The following RNMT variants were observed in gnomAD, a reference collection of about 807,000 sequenced individuals.
RNMT encodes the protein RNA guanine-7 methyltransferase, also known as mRNA cap guanine-N(7) methyltransferase.
A neutral mutation model predicts 56.0 loss-of-function variants in RNMT; 27 were observed. The observed-to-expected ratio is 0.48, with a 90% confidence interval of 0.36 to 0.67. The LOEUF (loss-of-function observed/expected upper bound fraction) is 0.67, where lower values mean the gene tolerates loss of function less well. Ranked by LOEUF, RNMT falls within the 30% of genes least tolerant of loss-of-function variation. The probability of loss-of-function intolerance (pLI) is 0.00; values close to 1 mark genes in which losing one functional copy is unlikely to be tolerated. For synonymous variants in RNMT, 184 were observed against 176.2 expected, an observed-to-expected ratio of 1.04 and a Z score of -0.35; for missense variants, 519 against 552.1, an observed-to-expected ratio of 0.94 and a Z score of 0.60.
At chr18:13,730,879 C>A (rs558011891) in intron 2 of RNMT, 124 bp downstream of exon 2, 1 of 152,294 alleles carries the variant, frequency 6.6e-6, no homozygotes, top group Admixed American at 6.5e-5. Flanking sequence ...AGTTTGGGAA[C>A]CAGGGTTATA....
intron 1 of RNMT, among the ~76,000 whole-genome samples, chr18:13,728,989 T>A (rs993917512): frequency 1.3e-5 from 2 of 152,192 alleles, no homozygotes; most frequent in Non-Finnish European, 2.9e-5. Flanking sequence ...GTAATCCCAT[T>A]TGTCTGTTTT....
In RNMT at chr18:13,731,458, A is replaced by C; in HGVS notation, c.-42-18A>C. The C allele has an allele frequency of 7.2e-7, 1 of 1,393,750 alleles. No homozygotes were observed. Among genetic ancestry groups the C allele is most frequent in the East Asian group, 2.3e-5 (1 of 43,526 alleles). The allele number at this position is 1,393,750 out of a possible 1,614,324, so 86.3% of individuals were successfully genotyped here. ...GTCTTAGTGTTTACAAGTAATACCA[A>C]TTTTTTTCCTATTCTAGTGTTGGTT... On this transcript the variant is annotated intron_variant, in intron 2 of 11. Coordinates refer to ENST00000383314, the MANE Select transcript of RNMT (RefSeq NM_003799.3).
rs1215731804 is a variant in RNMT at position 13,762,477 on chromosome 18, C to T, written c.*2498C>T. 1 of 255,484 alleles carries T rather than the reference C, an allele frequency of 3.9e-6. No homozygotes were observed. The highest frequency in any genetic ancestry group is 9.6e-5 in the East Asian group (1 of 10,388). The allele number at this position is 255,484 out of a possible 1,614,324, so 15.8% of individuals were successfully genotyped here. Reference sequence around the variant, plus strand: ...TGCCTTCAGTACCCAGCCAGGTTCTCTGGGTCCAGGGTGACTCTCCAAAGA... The same window carrying T: ...TGCCTTCAGTACCCAGCCAGGTTCTTTGGGTCCAGGGTGACTCTCCAAAGA... On this transcript the variant is annotated 3_prime_UTR_variant, in exon 12 of 12. Transcript: ENST00000383314.
chr18:13,760,805 T>C lies in RNMT; in HGVS notation c.*826T>C. On this transcript the variant is annotated 3_prime_UTR_variant, in exon 12 of 12. Coordinates refer to ENST00000383314, the MANE Select transcript of RNMT (RefSeq NM_003799.3). ...TCCAAATTTATACATGGAACTGCAGTAGGAATATTCTCACCATCTGATGCC... is the reference window on the plus strand; with the variant it reads ...TCCAAATTTATACATGGAACTGCAGCAGGAATATTCTCACCATCTGATGCC... 1.0e-6 allele frequency: 1 copy of C among 985,384 alleles called. No homozygotes were observed. The highest frequency in any genetic ancestry group is 4.7e-5 in the South Asian group (1 of 21,286). The allele number at this position is 985,384 out of a possible 1,614,324, so 61.0% of individuals were successfully genotyped here.
At chr18:13,755,417 T>C (rs1174265895) in intron 11 of RNMT, among the ~76,000 whole-genome samples, 2 of 152,238 alleles carry the variant, frequency 1.3e-5, no homozygotes, top group African/African-American at 4.8e-5. Context: ...ACAATGACTT[T>C]ATGAGTAGAG....
At chr18:13,734,435 G>C (rs1326650740) in intron 3 of RNMT, 29 bp from the exon 4 acceptor site, 1 of 1,581,150 alleles carries the variant, frequency 6.3e-7, no homozygotes, top group African/African-American at 1.4e-5. Context: ...TCTGATCCTT[G>C]ATTTTTTTCT....
Position 13,761,177 on chromosome 18 carries a change from G to A in RNMT, c.*1198G>A. Reference sequence around the variant, plus strand: ...CATCTATTAACTGTTCATGGTGTTAGAGTTGCAAACTTTTTAGCAAGAAAA... The same window carrying A: ...CATCTATTAACTGTTCATGGTGTTAAAGTTGCAAACTTTTTAGCAAGAAAA... On this transcript the variant is annotated 3_prime_UTR_variant, in exon 12 of 12. Transcript: ENST00000383314. 1.0e-6 allele frequency: 1 copy of A among 985,442 alleles called. No individual in the cohort carries two copies. Among genetic ancestry groups the A allele is most frequent in the Non-Finnish European group, 1.2e-6 (1 of 829,932 alleles). 61.0% of individuals were successfully genotyped at this position (985,442 alleles called of 1,614,324 possible). A position where few individuals can be genotyped will look rare whatever the true frequency, so the allele number is the denominator to read the frequency against.
rs548131539 is a variant in RNMT at position 13,736,635 on chromosome 18, CA to C, written c.554-366del. On this transcript the variant is annotated intron_variant, in intron 4 of 11. Coordinates refer to ENST00000383314, the MANE Select transcript of RNMT (RefSeq NM_003799.3). ...ACCTAGCTATGGAAAGAGAAAGCTA[CA>C]AAAAAAAATATGAATAATTAGTTTT... is the stretch of plus-strand genomic sequence containing the variant. 9.4e-3 allele frequency among the ~76,000 whole-genome samples: 1,396 copies of C among 149,074 alleles called. 52 individuals are homozygous for C. Among genetic ancestry groups the C allele is most frequent in the Admixed American group, 0.061 (910 of 15,022 alleles).
chr18:13,753,050 C>T (rs192603880), intron 10 of RNMT, among the ~76,000 whole-genome samples: 91 of 152,210 alleles, frequency 6.0e-4, no homozygotes, highest in Non-Finnish European at 7.5e-4. Flanking sequence ...TAATTTATTT[C>T]CTTTGTGTGA....
Position 13,731,458 on chromosome 18 carries a change from A to G in RNMT, c.-42-18A>G, listed in dbSNP as rs1282013720. On this transcript the variant is annotated intron_variant, in intron 2 of 11. Transcript: ENST00000383314. ...GTCTTAGTGTTTACAAGTAATACCA[A>G]TTTTTTTCCTATTCTAGTGTTGGTT... is the stretch of plus-strand genomic sequence containing the variant. 5.0e-6 allele frequency: 7 copies of G among 1,393,634 alleles called. No homozygotes were observed. In the East Asian group the frequency reaches 6.9e-5, roughly 14 times the overall value. 86.3% of individuals were successfully genotyped at this position (1,393,634 alleles called of 1,614,324 possible).
intron 4 of RNMT, among the ~76,000 whole-genome samples, chr18:13,736,635 C>CA (rs548131539): frequency 1.2e-4 from 18 of 149,076 alleles, no homozygotes; most frequent in African/African-American, 2.5e-4. Flanking sequence ...GAGAAAGCTA[C>CA]AAAAAAAAAT....
At chr18:13,730,116 A>G (rs937749224) in intron 1 of RNMT, among the ~76,000 whole-genome samples, 3 of 152,240 alleles carry the variant, frequency 2.0e-5, no homozygotes, top group African/African-American at 7.2e-5. Flanking sequence ...ATAGTGGTAT[A>G]TAAGCTATAA....
intron 8 of RNMT, among the ~76,000 whole-genome samples, 158 bp from the exon 9 acceptor site, chr18:13,746,062 T>C (rs1568508013): frequency 6.6e-6 from 1 of 152,246 alleles, no homozygotes; most frequent in Non-Finnish European, 1.5e-5. Flanking sequence ...AGGTGTGATA[T>C]GTTACTCTTG....
chr18:13,762,245 C>A lies in RNMT; in HGVS notation c.*2266C>A. On this transcript the variant is annotated 3_prime_UTR_variant, in exon 12 of 12. Coordinates refer to ENST00000383314, the MANE Select transcript of RNMT (RefSeq NM_003799.3). ...TGCGATGATTGATCTGGGAACATGG[C>A]TGGATTGTGATTTAACCAAGAATGC... 1 of 1,370,002 alleles carries A rather than the reference C, an allele frequency of 7.3e-7. No individual in the cohort carries two copies. The highest frequency in any genetic ancestry group is 9.7e-7 in the Non-Finnish European group (1 of 1,029,028). 84.9% of individuals were successfully genotyped at this position (1,370,002 alleles called of 1,614,324 possible).
chr18:13,753,556 C>T (rs577772285), intron 10 of RNMT, among the ~76,000 whole-genome samples: 7 of 152,046 alleles, frequency 4.6e-5, no homozygotes, highest in African/African-American at 7.2e-5. Flanking sequence ...CGGATCACAA[C>T]GTCAGGAGAT....
At chr18:13,741,218 T>G (rs1309510256) in intron 6 of RNMT, among the ~76,000 whole-genome samples, 1 of 152,256 alleles carries the variant, frequency 6.6e-6, no homozygotes, top group Non-Finnish European at 1.5e-5. Context: ...GAATGTCATT[T>G]TATTTTAGCT....
chr18:13,756,535 T>TG (rs1319965343), intron 11 of RNMT, among the ~76,000 whole-genome samples: 3 of 152,154 alleles, frequency 2.0e-5, no homozygotes, highest in African/African-American at 7.2e-5. Flanking sequence ...GCTGATGTGT[T>TG]GCAAGTGCTG....
chr18:13,738,449 C>A (rs2044200878), intron 5 of RNMT, among the ~76,000 whole-genome samples: 1 of 152,084 alleles, frequency 6.6e-6, no homozygotes, highest in South Asian at 2.1e-4. Context: ...ATTTTAATAG[C>A]CTTTTTTGAT....
intron 3 of RNMT, among the ~76,000 whole-genome samples, chr18:13,734,022 T>C (rs991096733): frequency 6.6e-6 from 1 of 152,230 alleles, no homozygotes; most frequent in Non-Finnish European, 1.5e-5. Flanking sequence ...AATTGAATCA[T>C]GGGCGCAGTT....
Sources: gnomAD v4.1 joint callset for allele counts (sites outside exome capture counted in the v4.1 genomes callset) on GRCh38, gnomAD v4.1.1 for gene constraint, MANE v1.5 for transcripts, NCBI Gene and HGNC (gene_info 2026-07-23, HGNC 2026-07-21) for gene names.